OGDH: variants seen among roughly 807,000 people sequenced by gnomAD.
OGDH encodes the protein oxoglutarate dehydrogenase.
OGDH carries 38 observed loss-of-function variants against 116.6 expected under a neutral mutation model. The observed-to-expected ratio is 0.33, with a 90% CI of 0.25 to 0.43. The LOEUF is 0.43. Among genes scored for constraint, OGDH ranks in the 20% least tolerant of loss-of-function variants. The pLI is 1.00. For synonymous variants in OGDH, 488 were observed against 533.3 expected (o/e 0.92, Z 1.17); for missense variants, 825 against 1,357.2 (o/e 0.61, Z 6.16).
At chr7:44,606,879 G>A (rs1251883397) in intron 1 of OGDH, among the ~76,000 whole-genome samples, 1 of 152,142 alleles carries the variant, frequency 6.6e-6, no homozygotes, top group Non-Finnish European at 1.5e-5. Flanking sequence ...GGGCCTGCCC[G>A]GCGGGCGGAG....
At chr7:44,636,600 C>T (rs929657502) in intron 2 of OGDH, among the ~76,000 whole-genome samples, 2 of 152,214 alleles carry the variant, frequency 1.3e-5, no homozygotes, top group African/African-American at 2.4e-5. Context: ...TGAGCAGCTG[C>T]CACATGCAGA....
chr7:44,630,725 T>C (rs1197078220), intron 2 of OGDH, among the ~76,000 whole-genome samples: 1 of 152,222 alleles, frequency 6.6e-6, no homozygotes. Context: ...ACAAGGTAAA[T>C]GCTATGCAGA....
chr7:44,642,384 A>G (rs547184058), intron 2 of OGDH, among the ~76,000 whole-genome samples: 5 of 152,332 alleles, frequency 3.3e-5, no homozygotes, highest in African/African-American at 9.6e-5. Flanking sequence ...AGATCGTGCC[A>G]GTCTACTCCA....
At chr7:44,654,603 A>C (rs1409560985) in intron 4 of OGDH, among the ~76,000 whole-genome samples, 3 of 152,194 alleles carry the variant, frequency 2.0e-5, no homozygotes, top group Non-Finnish European at 4.4e-5. Context: ...ATAACCGAGG[A>C]GCTGGAGACG....
chr7:44,665,889 C>T (rs1035829479), intron 4 of OGDH, among the ~76,000 whole-genome samples: 6 of 152,182 alleles, frequency 3.9e-5, no homozygotes, highest in African/African-American at 1.4e-4. Context: ...ATGAAACAAG[C>T]ATATAATGCC....
At position 44,707,930 on chromosome 7, in the gene OGDH, C is replaced by T. The variant is rs1360687674; in HGVS notation, c.3003C>T (p.Thr1001=). ...CTCCAGCCACCGGCAACAAGAAGAC[C>T]CACCTGACGGAGCTGCAGCGCCTCC... ...AAAPATGNKK[T]HLTELQRLLD... is the part of the protein sequence containing the mutation. The change falls in exon 23 of 23, where the codon ACC becomes ACT. Residue 1001 remains threonine (T), a synonymous_variant. Coordinates refer to ENST00000222673, the MANE Select transcript of OGDH (RefSeq NM_002541.4). The surrounding 1 kb of genome is among the most constrained non-coding windows in gnomAD (Gnocchi z 5.2). 4.3e-6 allele frequency: 7 copies of T among 1,613,822 alleles called. No homozygotes were observed. Among genetic ancestry groups the T allele is most frequent in the Non-Finnish European group, 5.1e-6 (6 of 1,180,036 alleles).
intron 20 of OGDH, among the ~76,000 whole-genome samples, chr7:44,702,347 C>T (rs917049851): frequency 1.3e-5 from 2 of 152,142 alleles, no homozygotes; most frequent in East Asian, 1.9e-4. Flanking sequence ...AAACACTGGA[C>T]GGCAGGTCCT....
At chr7:44,607,471 G>C (rs1036484148) in intron 1 of OGDH, among the ~76,000 whole-genome samples, 1 of 152,152 alleles carries the variant, frequency 6.6e-6, no homozygotes, top group Non-Finnish European at 1.5e-5. Flanking sequence ...CTTGTGCCTT[G>C]TCTTGCAGTC....
chr7:44,638,287 A>G (rs552566524), intron 2 of OGDH, among the ~76,000 whole-genome samples: 22 of 152,316 alleles, frequency 1.4e-4, no homozygotes, highest in African/African-American at 5.3e-4. Flanking sequence ...ATTGTGACTC[A>G]GAAGTCCCTG....
chr7:44,621,524 G>T (rs1456466357), intron 1 of OGDH, among the ~76,000 whole-genome samples: 10 of 152,132 alleles, frequency 6.6e-5, no homozygotes. Flanking sequence ...GTGGAGTTGG[G>T]GATGTTGAGC....
At chr7:44,643,970 G>A (rs1786062072) in intron 2 of OGDH, among the ~76,000 whole-genome samples, 1 of 152,198 alleles carries the variant, frequency 6.6e-6, no homozygotes, top group South Asian at 2.1e-4. Context: ...ACTTTGGGAG[G>A]CCAAAGCAAG....
chr7:44,648,710 A>G (rs1786302032), intron 4 of OGDH, among the ~76,000 whole-genome samples: 1 of 152,184 alleles, frequency 6.6e-6, no homozygotes, highest in South Asian at 2.1e-4. Context: ...AGTTATGTCT[A>G]GGGGATGAGG....
intron 4 of OGDH, among the ~76,000 whole-genome samples, chr7:44,653,595 C>T (rs548594798): frequency 5.2e-4 from 79 of 152,184 alleles, no homozygotes; most frequent in Non-Finnish European, 9.0e-4. Context: ...GGCACGATCT[C>T]GACTCACTGC....
chr7:44,647,714 G>T lies in OGDH; in HGVS notation c.472G>T (p.Asp158Tyr). 1.2e-6 allele frequency: 2 copies of T among 1,613,974 alleles called. No homozygotes were observed. The highest frequency in any genetic ancestry group is 1.7e-6 in the Non-Finnish European group (2 of 1,180,010). ...CCTGGGGATTTTGGATGCTGATCTGGACTCCTCCGTGCCCGCTGACATTAT... is the reference window on the plus strand; with the variant it reads ...CCTGGGGATTTTGGATGCTGATCTGTACTCCTCCGTGCCCGCTGACATTAT... ...DPLGILDADL[D>Y]SSVPADIISS... The change falls in exon 4 of 23, where the codon GAC becomes TAC. Residue 158 changes from aspartate to tyrosine, a missense_variant. Transcript: ENST00000222673.
intron 4 of OGDH, among the ~76,000 whole-genome samples, chr7:44,662,549 G>A (rs1225711747): frequency 1.3e-5 from 2 of 149,156 alleles, no homozygotes; most frequent in African/African-American, 5.0e-5. Context: ...TGCAACCTCC[G>A]CCTCCTGGGT....
intron 2 of OGDH, among the ~76,000 whole-genome samples, chr7:44,635,846 G>A (rs774321676): frequency 4.0e-5 from 6 of 151,612 alleles, no homozygotes; most frequent in Non-Finnish European, 8.8e-5. Context: ...TGGGGATTAC[G>A]GGCACGCACC....
intron 1 of OGDH, among the ~76,000 whole-genome samples, chr7:44,608,538 A>G (rs914110684): frequency 1.3e-5 from 2 of 152,138 alleles, no homozygotes; most frequent in African/African-American, 4.8e-5. Flanking sequence ...GTCTCTACTA[A>G]AAATACAAAA....
chr7:44,697,147 C>T lies in OGDH; in HGVS notation c.2051+83C>T, dbSNP rs147994858. On this transcript the variant is annotated intron_variant, in intron 15 of 22. Transcript: ENST00000222673. This position sits in a 1 kb window ranked among gnomAD's most constrained non-coding sequence, Gnocchi z 6.0. ...GTTCTGGTGTTTCTTTTCCGGAAGA[C>T]GGTTAGAAACCGGAAGAGTCACATT... 583 of 1,540,520 alleles carry T rather than the reference C, an allele frequency of 3.8e-4. 1 individual carries two copies. The African/African-American group carries it at 4.1e-3, about 11-fold the overall frequency.
intron 1 of OGDH, 124 bp from the exon 2 acceptor site, chr7:44,624,193 T>G (rs932468709): frequency 4.5e-6 from 3 of 668,188 alleles, no homozygotes; most frequent in South Asian, 1.9e-5. Context: ...TGTTTTTGTT[T>G]TTCTAGTAGC....
Sources: gnomAD v4.1 joint callset for allele counts (sites outside exome capture counted in the v4.1 genomes callset) on GRCh38, gnomAD v4.1.1 for gene constraint, Gnocchi (gnomAD v3.1) non-coding constraint, MANE v1.5 for transcripts, NCBI Gene and HGNC (gene_info 2026-07-23, HGNC 2026-07-21) for gene names.